TP63: variants seen among roughly 807,000 people sequenced by gnomAD.
TP63 encodes tumor protein 63.
In TP63, 17 loss-of-function variants were observed where a neutral mutation model predicts 82.8. The observed-to-expected ratio is 0.21, with a 90% CI of 0.14 to 0.31. The LOEUF (loss-of-function observed/expected upper bound fraction) is 0.31. TP63 is among the 10% of genes least tolerant of loss of function. The pLI, the probability that TP63 is intolerant of heterozygous loss-of-function variation, is 1.00. For synonymous variants in TP63, 330 were observed against 321.7 expected, an observed-to-expected ratio of 1.03 and a Z score of -0.28; for missense variants, 648 against 895.3, an observed-to-expected ratio of 0.72 and a Z score of 3.52.
At chr3:189,805,256 AC>A (rs759102827) in intron 3 of TP63, among the ~76,000 whole-genome samples, 2 of 152,184 alleles carry the variant, frequency 1.3e-5, no homozygotes, top group Non-Finnish European at 2.9e-5. Context: ...TACAGCCTAA[AC>A]CCTTTCTCAA....
In TP63 at chr3:189,894,651, C is replaced by CTT; in HGVS notation, c.*149_*150insTT. On this transcript the variant is annotated 3_prime_UTR_variant, in exon 14 of 14. Transcript: ENST00000264731. ...AGGAGAAGTAAGAGGCTACCTCTTA[C>CTT]CTAACATCTGACCTGGCATCTAATT... is the stretch of plus-strand genomic sequence containing the variant. 2 of 926,178 alleles carry CTT rather than the reference C, an allele frequency of 2.2e-6. No homozygotes were observed. The highest frequency in any genetic ancestry group is 3.2e-6 in the Non-Finnish European group (2 of 616,054). 57.4% of individuals were successfully genotyped at this position (926,178 alleles called of 1,614,324 possible).
chr3:189,765,027 T>G (rs2108545269), intron 3 of TP63, among the ~76,000 whole-genome samples: 1 of 152,302 alleles, frequency 6.6e-6, no homozygotes, highest in East Asian at 1.9e-4. Context: ...TAATCAAAGC[T>G]TTATTGGAGC....
chr3:189,745,591 C>G (rs1039900776), intron 3 of TP63, among the ~76,000 whole-genome samples: 2 of 150,770 alleles, frequency 1.3e-5, no homozygotes, highest in South Asian at 2.1e-4. Context: ...CCTGTAATCC[C>G]AGCTACTCGG....
chr3:189,637,548 A>G (rs904902683), intron 1 of TP63, among the ~76,000 whole-genome samples: 1 of 152,204 alleles, frequency 6.6e-6, no homozygotes, highest in Non-Finnish European at 1.5e-5. Flanking sequence ...CAAAGATCAC[A>G]CAGCAAAATA....
At position 189,775,766 on chromosome 3, in the gene TP63, T is replaced by C. The variant is rs549992926; in HGVS notation, c.325-32506T>C. ...ACCTTTTACTATTACCTTAGTATGTTTATTGGAAACCTGTAATAGTCACCA... is the reference window on the plus strand; with the variant it reads ...ACCTTTTACTATTACCTTAGTATGTCTATTGGAAACCTGTAATAGTCACCA... On this transcript the variant is annotated intron_variant, in intron 3 of 13. Coordinates refer to ENST00000264731, the MANE Select transcript of TP63 (RefSeq NM_003722.5). Among the ~76,000 whole-genome samples the C allele has an allele frequency of 1.6e-4, 25 of 152,326 alleles. No homozygotes were observed. In the East Asian group the frequency reaches 4.6e-3, roughly 28 times the overall value.
chr3:189,760,449 G>T (rs575541411), intron 3 of TP63, among the ~76,000 whole-genome samples: 28 of 152,300 alleles, frequency 1.8e-4, no homozygotes, highest in Admixed American at 1.1e-3. Context: ...ATCCAGTGGG[G>T]CAGTCAAATC....
At chr3:189,598,297 C>T in the TP63 span, among the ~76,000 whole-genome samples, 1 of 135,052 alleles carries the variant, frequency 7.4e-6, no homozygotes, top group African/African-American at 2.8e-5. Flanking sequence ...AAAGGGACAG[C>T]AGGAGAGGGG....
intron 1 of TP63, among the ~76,000 whole-genome samples, chr3:189,681,612 C>T (rs1319748507): frequency 2.6e-5 from 4 of 152,298 alleles, no homozygotes; most frequent in Non-Finnish European, 5.9e-5. Context: ...ATATTTGACC[C>T]TGTTAATAAC....
chr3:189,769,984 G>T (rs1338300008), intron 3 of TP63, among the ~76,000 whole-genome samples: 1 of 152,116 alleles, frequency 6.6e-6, no homozygotes. Flanking sequence ...GTTTACCAGG[G>T]TTACAACTTC....
chr3:189,872,764 C>T, intron 9 of TP63, 95 bp from the exon 10 acceptor site: 1 of 1,551,694 alleles, frequency 6.4e-7, no homozygotes, highest in Non-Finnish European at 8.8e-7. Context: ...AAACAAATTG[C>T]AATTACGGAA....
rs575099790 is a variant in TP63 at position 189,718,888 on chromosome 3, T to C, written c.63-18852T>C. On this transcript the variant is annotated intron_variant, in intron 1 of 13. Coordinates refer to ENST00000264731, the MANE Select transcript of TP63 (RefSeq NM_003722.5). ...TAAAAAAACAAAAACAAAAAAACAA[T>C]GTAGCCTATACTTTTGGAGAGGGGT... Among the ~76,000 whole-genome samples the C allele has an allele frequency of 1.7e-3, 256 of 152,200 alleles. 1 individual carries two copies. The highest frequency in any genetic ancestry group is 6.0e-3 in the African/African-American group (250 of 41,532).
At chr3:189,654,355 C>A (rs556026521) in intron 1 of TP63, among the ~76,000 whole-genome samples, 2 of 151,816 alleles carry the variant, frequency 1.3e-5, no homozygotes, top group East Asian at 3.9e-4. Flanking sequence ...TGAAAAAATC[C>A]ATTTTCTTCC....
chr3:189,786,098 T>A (rs998057047), intron 3 of TP63, among the ~76,000 whole-genome samples: 7 of 151,976 alleles, frequency 4.6e-5, no homozygotes, highest in Non-Finnish European at 1.0e-4. Context: ...GCCATTGACA[T>A]CGGTATTTTA....
At chr3:189,775,072 T>C (rs1460083478) in intron 3 of TP63, among the ~76,000 whole-genome samples, 3 of 151,796 alleles carry the variant, frequency 2.0e-5, no homozygotes, top group Non-Finnish European at 4.4e-5. Context: ...TACAAAAAAT[T>C]AGCCAGGCGT....
intron 4 of TP63, among the ~76,000 whole-genome samples, chr3:189,850,169 C>G (rs1392378647): frequency 6.6e-6 from 1 of 151,942 alleles, no homozygotes; most frequent in Non-Finnish European, 1.5e-5. Context: ...GTAGTCCCAG[C>G]TGTTTGGGAG....
chr3:189,658,970 T>G (rs1713636202), intron 1 of TP63, among the ~76,000 whole-genome samples: 1 of 152,022 alleles, frequency 6.6e-6, no homozygotes, highest in Non-Finnish European at 1.5e-5. Flanking sequence ...GGAAACTGAG[T>G]CAGGGTAAAG....
rs139986371 is a variant in TP63 at position 189,851,350 on chromosome 3, A to G, written c.580-12882A>G. On this transcript the variant is annotated intron_variant, in intron 4 of 13. Transcript: ENST00000264731. ...GAGGCAGGTAGATCGCTTGAGCCCA[A>G]AGAGTGAGAGACCAGCCTGGGCAAC... Among the ~76,000 whole-genome samples, 467 of 152,256 alleles carry G rather than the reference A, an allele frequency of 3.1e-3. 7 individuals are homozygous for G. Among genetic ancestry groups the G allele is most frequent in the South Asian group, 0.028 (133 of 4,826 alleles).
At chr3:189,598,951 C>G in the TP63 span, among the ~76,000 whole-genome samples, 1 of 152,132 alleles carries the variant, frequency 6.6e-6, no homozygotes, top group Non-Finnish European at 1.5e-5. Context: ...GGATTGGAGG[C>G]GTAACTGCGA....
At chr3:189,753,611 G>A (rs1479073267) in intron 3 of TP63, among the ~76,000 whole-genome samples, 1 of 151,782 alleles carries the variant, frequency 6.6e-6, no homozygotes, top group Admixed American at 6.6e-5. Flanking sequence ...TCATTCTTAT[G>A]CATTATGATA....
Sources: allele counts gnomAD v4.1 joint callset (sites outside exome capture counted in the v4.1 genomes callset), GRCh38; gene constraint gnomAD v4.1.1; transcripts MANE v1.5; gene names NCBI Gene and HGNC (gene_info 2026-07-23, HGNC 2026-07-21).